ARHGEF5: variants seen among roughly 807,000 people sequenced by gnomAD.
The protein encoded by ARHGEF5 is Rho guanine nucleotide exchange factor 5, also known as Rho guanine nucleotide exchange factor (GEF) 5.
ARHGEF5 carries 11 observed loss-of-function variants against 104.0 expected under a neutral mutation model. The observed-to-expected ratio is 0.11, with a 90% CI of 0.07 to 0.18. The LOEUF (loss-of-function observed/expected upper bound fraction) is 0.18, where lower values mean the gene tolerates loss of function less well. Ranked by LOEUF, ARHGEF5 falls within the 10% of genes least tolerant of loss-of-function variation. The probability of loss-of-function intolerance (pLI) is 1.00; values close to 1 mark genes in which losing one functional copy is unlikely to be tolerated. For synonymous variants in ARHGEF5, 60 were observed against 512.2 expected, an observed-to-expected ratio of 0.12 and a Z score of 11.92; for missense variants, 165 against 1,335.4, an observed-to-expected ratio of 0.12 and a Z score of 13.66.
At chr7:144,375,872 T>C (rs1372641787) in intron 12 of ARHGEF5, among the ~76,000 whole-genome samples, 197 bp downstream of exon 12, 7 of 152,276 alleles carry the variant, frequency 4.6e-5, no homozygotes, top group African/African-American at 1.7e-4. Context: ...TGGGAGAGGG[T>C]ACAAAGTCAC....
In ARHGEF5 at chr7:144,361,081, A is replaced by T. The variant is rs1216955691; in HGVS notation, c.-12-1577A>T. Among the ~76,000 whole-genome samples, 2 of 143,476 alleles carry T rather than the reference A, an allele frequency of 1.4e-5. 1 individual carries two copies. The highest frequency in any genetic ancestry group is 3.1e-5 in the Non-Finnish European group (2 of 64,452). 94.1% of individuals were successfully genotyped at this position (143,476 alleles called of 152,430 possible). A position where few individuals can be genotyped will look rare whatever the true frequency, so the allele number is the denominator to read the frequency against. ...CGTCTCTACTAAAAGTACAAAAATT[A>T]GCTGGGTGTGGTGGCACACACCTAT... is the stretch of plus-strand genomic sequence containing the variant. On this transcript the variant is annotated intron_variant, in intron 1 of 14. Transcript: ENST00000056217.
In ARHGEF5 at chr7:144,360,953, G is replaced by C. The variant is rs1192039924; in HGVS notation, c.-12-1705G>C. On this transcript the variant is annotated intron_variant, in intron 1 of 14. Coordinates refer to ENST00000056217, the MANE Select transcript of ARHGEF5 (RefSeq NM_005435.4). ...CTAGTTAAAAGATCAGGGGAGGCCA[G>C]GTGTGGTGGCTTACGCCTATAATCA... Among the ~76,000 whole-genome samples the C allele has an allele frequency of 2.7e-5, 4 of 146,152 alleles. 2 individuals are homozygous for C. The highest frequency in any genetic ancestry group is 5.0e-5 in the African/African-American group (2 of 39,758).
intron 1 of ARHGEF5, among the ~76,000 whole-genome samples, chr7:144,359,710 G>A (rs2053623978): frequency 1.8e-5 from 2 of 111,126 alleles, no homozygotes; most frequent in Non-Finnish European, 3.9e-5. Flanking sequence ...AGGGACAGAT[G>A]GTGACAGGTG....
rs552859237 is a variant in ARHGEF5 at position 144,357,189 on chromosome 7, C to G, written c.-13+1688C>G. ...CACCCTCAAGGTCTGTGTTAATACACAAACACGTCACTCACACTAATGTTA... is the reference window on the plus strand; with the variant it reads ...CACCCTCAAGGTCTGTGTTAATACAGAAACACGTCACTCACACTAATGTTA... On this transcript the variant is annotated intron_variant, in intron 1 of 14. Transcript: ENST00000056217. Among the ~76,000 whole-genome samples, 35 of 131,340 alleles carry G rather than the reference C, an allele frequency of 2.7e-4. No individual in the cohort carries two copies. In the South Asian group the frequency reaches 6.9e-3, roughly 26 times the overall value. The allele number at this position is 131,340 out of a possible 152,430, so 86.2% of individuals were successfully genotyped here. A position where few individuals can be genotyped will look rare whatever the true frequency, so the allele number is the denominator to read the frequency against.
intron 1 of ARHGEF5, among the ~76,000 whole-genome samples, chr7:144,358,757 C>G (rs2053614329): frequency 3.4e-5 from 1 of 29,304 alleles, no homozygotes; most frequent in South Asian, 1.6e-3. Context: ...AAGGATGGCT[C>G]AGTGTGTGTG....
Position 144,380,082 on chromosome 7 carries a change from G to A in ARHGEF5, c.*26G>A. On this transcript the variant is annotated 3_prime_UTR_variant, in exon 15 of 15. Transcript: ENST00000056217. ...GTCTTCTCTGAGAGGAGTTTCGTGA[G>A]CTGAAGAACAAGCTGCTCATGGCAA... 1 of 1,613,656 alleles carries A rather than the reference G, an allele frequency of 6.2e-7. No individual in the cohort carries two copies. Among genetic ancestry groups the A allele is most frequent in the Non-Finnish European group, 8.5e-7 (1 of 1,179,642 alleles).
At chr7:144,358,758 AGTGTGTGTGTGTGTGTGTGTGTGTGTGT>A (rs71222348) in intron 1 of ARHGEF5, among the ~76,000 whole-genome samples, 1 of 90,824 alleles carries the variant, frequency 1.1e-5, no homozygotes, top group African/African-American at 4.0e-5. Flanking sequence ...AGGATGGCTC[AGTGTGTGTGTGTGTGTGTGTGTGTGTGT>A]GTGTGTGTGT....
In ARHGEF5 at chr7:144,377,235, TG is replaced by T. The variant is rs776296252; in HGVS notation, c.4531+46del. The T allele has an allele frequency of 9.5e-6, 14 of 1,480,338 alleles. No homozygotes were observed. The African/African-American group carries it at 2.0e-4, about 21-fold the overall frequency. 91.7% of individuals were successfully genotyped at this position (1,480,338 alleles called of 1,614,324 possible). A position where few individuals can be genotyped will look rare whatever the true frequency, so the allele number is the denominator to read the frequency against. On this transcript the variant is annotated intron_variant, in intron 13 of 14. Coordinates refer to ENST00000056217, the MANE Select transcript of ARHGEF5 (RefSeq NM_005435.4). ...GGAGAGAAAAGAAAGCAGGGTCAGA[TG>T]TCACCTTTGGATACAGGAGTTTAAA...
chr7:144,374,230 C>G (rs1202392608), intron 10 of ARHGEF5, among the ~76,000 whole-genome samples: 3 of 91,542 alleles, frequency 3.3e-5, no homozygotes, highest in Non-Finnish European at 7.1e-5. Context: ...CATCTTTAAC[C>G]AAATTCCAGC....
intron 13 of ARHGEF5, among the ~76,000 whole-genome samples, chr7:144,377,527 C>G (rs534043500): frequency 2.0e-5 from 3 of 151,984 alleles, no homozygotes; most frequent in East Asian, 3.9e-4. Context: ...GAAAGCCTGA[C>G]GGTGGTAGAA....
At chr7:144,375,829 T>G (rs1050259392) in intron 12 of ARHGEF5, 154 bp downstream of exon 12, 1 of 1,316,438 alleles carries the variant, frequency 7.6e-7, no homozygotes, top group Non-Finnish European at 1.0e-6. Context: ...TTCAGACTCC[T>G]AAAACTAATG....
chr7:144,358,019 A>G (rs2053611118), intron 1 of ARHGEF5, among the ~76,000 whole-genome samples: 1 of 103,250 alleles, frequency 9.7e-6, no homozygotes, highest in East Asian at 2.4e-4. Context: ...ACCATGATTT[A>G]CAGATTTCCT....
chr7:144,379,681 C>T (rs111665698), intron 14 of ARHGEF5, among the ~76,000 whole-genome samples: 1 of 152,166 alleles, frequency 6.6e-6, no homozygotes, highest in Non-Finnish European at 1.5e-5. Context: ...AGGAGGGACA[C>T]GATGCAACCA....
At chr7:144,379,790 C>T in intron 14 of ARHGEF5, 109 bp from the exon 15 acceptor site, 2 of 1,434,894 alleles carry the variant, frequency 1.4e-6, no homozygotes, top group South Asian at 1.3e-5. Context: ...GCTGGAGGCT[C>T]CCCAGTTCAC....
At chr7:144,378,058 A>G (rs764630120) in intron 13 of ARHGEF5, among the ~76,000 whole-genome samples, 3 of 152,220 alleles carry the variant, frequency 2.0e-5, no homozygotes, top group Non-Finnish European at 4.4e-5. Flanking sequence ...AAACCCACAT[A>G]TGATGGAATA....
intron 14 of ARHGEF5, 59 bp downstream of exon 14, chr7:144,378,925 G>C: frequency 1.3e-6 from 2 of 1,508,782 alleles, no homozygotes; most frequent in Non-Finnish European, 1.8e-6. Context: ...AGTGCTGGGA[G>C]TGTGTTCACT....
intron 1 of ARHGEF5, among the ~76,000 whole-genome samples, chr7:144,360,700 A>G (rs545615587): frequency 1.6e-5 from 2 of 122,446 alleles, no homozygotes; most frequent in African/African-American, 6.0e-5. Context: ...TTTATTCTTT[A>G]TGTGAAAAAT....
At chr7:144,372,262 CAT>C in intron 7 of ARHGEF5, 35 bp from the exon 8 acceptor site, 1 of 473,956 alleles carries the variant, frequency 2.1e-6, no homozygotes, top group South Asian at 2.1e-5. Flanking sequence ...CATTGCTCCC[CAT>C]ATCCCCCCTC....
chr7:144,380,110 G>C lies in ARHGEF5; in HGVS notation c.*54G>C. On this transcript the variant is annotated 3_prime_UTR_variant, in exon 15 of 15. Transcript: ENST00000056217. ...GAAGAACAAGCTGCTCATGGCAAGG[G>C]CTGGCCCCAGAACCCTGCAAGAGAG... is the stretch of plus-strand genomic sequence containing the variant. 1 of 1,607,998 alleles carries C rather than the reference G, an allele frequency of 6.2e-7. No individual in the cohort carries two copies. The highest frequency in any genetic ancestry group is 8.5e-7 in the Non-Finnish European group (1 of 1,175,874).
Sources: gnomAD v4.1 joint callset for allele counts (sites outside exome capture counted in the v4.1 genomes callset) on GRCh38, gnomAD v4.1.1 for gene constraint, MANE v1.5 for transcripts, NCBI Gene and HGNC (gene_info 2026-07-23, HGNC 2026-07-21) for gene names.